Variants in MACROD2 observed in about 807,000 individuals in gnomAD.
The protein encoded by MACROD2 is mono-ADP ribosylhydrolase 2.
In MACROD2, 36 loss-of-function variants were observed where a neutral mutation model predicts 70.4. The observed-to-expected ratio is 0.51, with a 90% CI of 0.39 to 0.68. The LOEUF (loss-of-function observed/expected upper bound fraction) is 0.68, where lower values mean the gene tolerates loss of function less well. MACROD2 is among the 30% of genes least tolerant of loss of function. MACROD2 has a pLI of 0.00. For missense variants in MACROD2, 496 were observed against 538.4 expected, an observed-to-expected ratio of 0.92 and a Z score of 0.78; for synonymous variants, 172 against 178.8, an observed-to-expected ratio of 0.96 and a Z score of 0.30.
At chr20:15,603,721 A>G (rs771664387) in intron 8 of MACROD2, among the ~76,000 whole-genome samples, 6 of 152,156 alleles carry the variant, frequency 3.9e-5, no homozygotes, top group African/African-American at 7.2e-5. Flanking sequence ...ACTAGTTAGC[A>G]TAAAAGGAAA....
At chr20:14,862,643 ATATATATATAT>A (rs1568841488) in intron 5 of MACROD2, among the ~76,000 whole-genome samples, 2 of 12,842 alleles carry the variant, frequency 1.6e-4, no homozygotes, top group Non-Finnish European at 2.1e-4. Flanking sequence ...ATATATATAA[ATATATATATAT>A]AAATATATAT....
chr20:15,579,332 A>C (rs762410622), intron 8 of MACROD2, among the ~76,000 whole-genome samples: 3 of 152,210 alleles, frequency 2.0e-5, no homozygotes, highest in Non-Finnish European at 4.4e-5. Context: ...AATACCTCCA[A>C]GAAGCAACAA....
At chr20:15,697,122 T>C (rs1259551052) in intron 8 of MACROD2, among the ~76,000 whole-genome samples, 4 of 152,194 alleles carry the variant, frequency 2.6e-5, no homozygotes, top group African/African-American at 9.6e-5. Flanking sequence ...CTAGTTTCTC[T>C]AGTTCCTTGA....
intron 6 of MACROD2, among the ~76,000 whole-genome samples, chr20:15,316,909 G>A (rs990795889): frequency 6.6e-6 from 1 of 152,022 alleles, no homozygotes; most frequent in Non-Finnish European, 1.5e-5. Context: ...ATACTGGAAA[G>A]TCCACAAATA....
intron 3 of MACROD2, among the ~76,000 whole-genome samples, chr20:14,485,680 C>T (rs1447831958): frequency 7.4e-5 from 5 of 67,576 alleles, no homozygotes; most frequent in Admixed American, 2.9e-4. Flanking sequence ...CCAGCCTGGG[C>T]AACAGAGCAA....
At chr20:14,566,428 C>T (rs1979810610) in intron 4 of MACROD2, 2 of 151,710 alleles carry the variant, frequency 1.3e-5, no homozygotes, top group South Asian at 2.1e-4. Context: ...CATAACAGGT[C>T]CCCACCTCAA....
intron 8 of MACROD2, among the ~76,000 whole-genome samples, chr20:15,806,594 G>GTTT (rs567983585): frequency 6.7e-6 from 1 of 150,252 alleles, no homozygotes; most frequent in African/African-American, 2.4e-5. Context: ...TGGACCTTAT[G>GTTT]TTTTTTTTTC....
intron 4 of MACROD2, among the ~76,000 whole-genome samples, chr20:14,498,732 G>A (rs969936694): frequency 6.6e-6 from 1 of 152,184 alleles, no homozygotes; most frequent in African/African-American, 2.4e-5. Context: ...AGAGCAATGT[G>A]TTTAAAGGGC....
intron 8 of MACROD2, among the ~76,000 whole-genome samples, chr20:15,670,953 AT>A (rs61329147): frequency 0.06 from 9,092 of 152,234 alleles, 538 homozygotes; most frequent in East Asian, 0.16. Flanking sequence ...GCTGTGTTTT[AT>A]GATAAAGAAA....
chr20:15,397,824 T>A (rs1050207633), intron 6 of MACROD2, among the ~76,000 whole-genome samples: 5 of 152,178 alleles, frequency 3.3e-5, no homozygotes, highest in African/African-American at 1.2e-4. Context: ...TAGAGTTAAA[T>A]AGCAGGGGTA....
chr20:15,406,260 T>A (rs2045999500), intron 6 of MACROD2, among the ~76,000 whole-genome samples: 1 of 152,228 alleles, frequency 6.6e-6, no homozygotes, highest in Admixed American at 6.5e-5. Context: ...TCAGGGAAAG[T>A]GTCCAGCATT....
At chr20:14,423,427 C>T (rs1029801218) in intron 3 of MACROD2, among the ~76,000 whole-genome samples, 48 of 151,094 alleles carry the variant, frequency 3.2e-4, no homozygotes, top group Middle Eastern at 3.4e-3. Context: ...CGGCCTGGAG[C>T]GGTGGCTCAC....
At chr20:15,598,923 C>G (rs1600649867) in intron 8 of MACROD2, among the ~76,000 whole-genome samples, 1 of 152,114 alleles carries the variant, frequency 6.6e-6, no homozygotes. Flanking sequence ...TAACTGGAAG[C>G]CCTAAGCGAA....
At chr20:14,861,304 A>C (rs1370380481) in intron 5 of MACROD2, among the ~76,000 whole-genome samples, 3 of 152,052 alleles carry the variant, frequency 2.0e-5, no homozygotes, top group Non-Finnish European at 2.9e-5. Context: ...TCCTGCAGAG[A>C]TGTTGTTCTC....
chr20:14,301,667 TAG>T (rs1291685283), intron 3 of MACROD2, among the ~76,000 whole-genome samples: 1 of 152,178 alleles, frequency 6.6e-6, no homozygotes, highest in African/African-American at 2.4e-5. Context: ...CTTTTGAAAA[TAG>T]AGTGTTTTTA....
At chr20:15,948,746 T>C (rs1319820130) in intron 12 of MACROD2, among the ~76,000 whole-genome samples, 3 of 152,202 alleles carry the variant, frequency 2.0e-5, no homozygotes, top group Non-Finnish European at 4.4e-5. Flanking sequence ...TAAGTGGTAG[T>C]TCCTTTCCAA....
At chr20:14,487,524 C>A (rs1238354595) in intron 3 of MACROD2, among the ~76,000 whole-genome samples, 1 of 152,192 alleles carries the variant, frequency 6.6e-6, no homozygotes, top group Non-Finnish European at 1.5e-5. Flanking sequence ...GTAAAGGAGT[C>A]ATTATCTATT....
chr20:15,792,744 C>T (rs1379859185), intron 8 of MACROD2, among the ~76,000 whole-genome samples: 2 of 152,164 alleles, frequency 1.3e-5, no homozygotes, highest in Non-Finnish European at 2.9e-5. Flanking sequence ...ACCTCTTTGT[C>T]AGACATTTAG....
chr20:14,197,472 CAT>C (rs1305911190), intron 3 of MACROD2, among the ~76,000 whole-genome samples: 2 of 152,132 alleles, frequency 1.3e-5, no homozygotes, highest in Admixed American at 6.5e-5. Flanking sequence ...GTATGACAGA[CAT>C]TAAAGTAAAA....
Sources: allele counts gnomAD v4.1 joint callset (sites outside exome capture counted in the v4.1 genomes callset), GRCh38; gene constraint gnomAD v4.1.1; transcripts MANE v1.5; gene names NCBI Gene and HGNC (gene_info 2026-07-23, HGNC 2026-07-21).